PCDH7: variants seen among roughly 807,000 people sequenced by gnomAD.
PCDH7 encodes protocadherin 7.
A neutral mutation model predicts 58.9 loss-of-function variants in PCDH7; 17 were observed. The observed-to-expected ratio is 0.29, with a 90% CI of 0.20 to 0.43. The LOEUF is 0.43. PCDH7 is among the 20% of genes least tolerant of loss of function. The pLI, the probability that PCDH7 is intolerant of heterozygous loss-of-function variation, is 1.00. For missense variants in PCDH7, 1,274 were observed against 1,441.0 expected (o/e 0.88, Z 1.88); for synonymous variants, 664 against 616.4 (o/e 1.08, Z -1.14).
At chr4:30,866,453 T>C (rs1696743255) in intron 1 of PCDH7, among the ~76,000 whole-genome samples, 1 of 152,076 alleles carries the variant, frequency 6.6e-6, no homozygotes, top group South Asian at 2.1e-4. Context: ...TCATGCTCTT[T>C]CCATTATACA....
At chr4:30,728,294 T>TAGAGAG (rs779678604) in intron 1 of PCDH7, among the ~76,000 whole-genome samples, 1 of 127,780 alleles carries the variant, frequency 7.8e-6, no homozygotes, top group African/African-American at 3.0e-5. Flanking sequence ...TATATATATA[T>TAGAGAG]ATAGAGAGAG....
At chr4:30,842,270 G>A (rs555969469) in intron 1 of PCDH7, among the ~76,000 whole-genome samples, 5 of 152,142 alleles carry the variant, frequency 3.3e-5, no homozygotes, top group African/African-American at 1.2e-4. Context: ...TTATTAAGGA[G>A]CACACAAATT....
chr4:31,086,973 A>T (rs1712518671), intron 3 of PCDH7, among the ~76,000 whole-genome samples: 2 of 152,194 alleles, frequency 1.3e-5, no homozygotes, highest in Admixed American at 1.3e-4. Context: ...GACATTATAG[A>T]TACATTTCCC....
At chr4:30,928,551 A>G (rs1277533192) in intron 2 of PCDH7, among the ~76,000 whole-genome samples, 1 of 152,204 alleles carries the variant, frequency 6.6e-6, no homozygotes, top group Admixed American at 6.5e-5. Flanking sequence ...TTTTATGCTC[A>G]AGAGATACAA....
chr4:30,971,450 A>G (rs1351447957), intron 3 of PCDH7, among the ~76,000 whole-genome samples: 3 of 152,192 alleles, frequency 2.0e-5, no homozygotes, highest in African/African-American at 4.8e-5. Context: ...ATGCTGGCTC[A>G]ATAATTCTGG....
intron 1 of PCDH7, among the ~76,000 whole-genome samples, chr4:30,861,731 C>A (rs769314388): frequency 5.3e-5 from 8 of 152,026 alleles, no homozygotes; most frequent in Non-Finnish European, 1.2e-4. Context: ...AATGCTTTTA[C>A]CTTCATATAC....
intron 3 of PCDH7, among the ~76,000 whole-genome samples, chr4:31,141,289 G>T (rs772836494): frequency 1.3e-5 from 2 of 152,206 alleles, no homozygotes; most frequent in African/African-American, 2.4e-5. Context: ...TATATTTTCA[G>T]AGGTCAAATT....
chr4:30,943,451 T>C (rs1746296922), intron 2 of PCDH7, among the ~76,000 whole-genome samples: 1 of 152,200 alleles, frequency 6.6e-6, no homozygotes, highest in Admixed American at 6.5e-5. Flanking sequence ...TTGCTTAAAG[T>C]CATGCAGCCA....
intron 1 of PCDH7, among the ~76,000 whole-genome samples, chr4:30,751,971 G>T (rs1718580494): frequency 6.6e-6 from 1 of 152,186 alleles, no homozygotes; most frequent in African/African-American, 2.4e-5. Context: ...TGCCATGATG[G>T]TTTTTAGGGT....
At chr4:30,883,077 G>A (rs1737207668) in intron 1 of PCDH7, among the ~76,000 whole-genome samples, 1 of 152,152 alleles carries the variant, frequency 6.6e-6, no homozygotes, top group East Asian at 1.9e-4. Flanking sequence ...GTGTGCACAT[G>A]TGCACACATG....
intron 1 of PCDH7, among the ~76,000 whole-genome samples, chr4:30,880,795 A>G (rs1736864099): frequency 1.3e-5 from 2 of 152,198 alleles, no homozygotes; most frequent in Admixed American, 1.3e-4. Context: ...GAAGTGAATT[A>G]TGGTAAACCA....
chr4:30,920,329 G>A (rs758303214), exon 2 of PCDH7: 8 of 1,367,484 alleles, frequency 5.9e-6, no homozygotes, highest in South Asian at 2.3e-5. Flanking sequence ...AAAGGACCAC[G>A]CCGGATGGCA....
At chr4:30,982,854 T>A (rs946168900) in intron 3 of PCDH7, among the ~76,000 whole-genome samples, 3 of 152,340 alleles carry the variant, frequency 2.0e-5, no homozygotes, top group African/African-American at 7.2e-5. Flanking sequence ...GAGAGAGTAC[T>A]GCAGAGTTGG....
intron 1 of PCDH7, among the ~76,000 whole-genome samples, chr4:30,757,447 G>A (rs187450890): frequency 3.8e-4 from 58 of 152,292 alleles, no homozygotes; most frequent in Non-Finnish European, 8.2e-4. Context: ...TTTCCTCGCA[G>A]GCACTCTGCC....
intron 1 of PCDH7, among the ~76,000 whole-genome samples, chr4:30,788,462 C>T (rs1018528146): frequency 6.6e-6 from 1 of 151,834 alleles, no homozygotes; most frequent in East Asian, 1.9e-4. Context: ...GGATTTTTGT[C>T]CTTATTTATG....
intron 1 of PCDH7, among the ~76,000 whole-genome samples, chr4:30,901,987 C>G (rs1740274513): frequency 6.6e-6 from 1 of 152,158 alleles, no homozygotes; most frequent in Non-Finnish European, 1.5e-5. Flanking sequence ...CAGTTAGCAA[C>G]TATGCTATGT....
intron 1 of PCDH7, among the ~76,000 whole-genome samples, chr4:30,869,911 G>A (rs368064573): frequency 4.6e-5 from 7 of 152,136 alleles, no homozygotes; most frequent in East Asian, 3.9e-4. Flanking sequence ...CGGTATAAAA[G>A]CGTTCCTATT....
At chr4:30,936,490 T>G (rs1269802482) in intron 2 of PCDH7, among the ~76,000 whole-genome samples, 3 of 152,134 alleles carry the variant, frequency 2.0e-5, no homozygotes, top group African/African-American at 7.2e-5. Context: ...TGATATTTAA[T>G]AGAAGCACTG....
At chr4:30,965,638 C>T (rs914757694) in intron 3 of PCDH7, among the ~76,000 whole-genome samples, 1 of 151,932 alleles carries the variant, frequency 6.6e-6, no homozygotes, top group Non-Finnish European at 1.5e-5. Flanking sequence ...GTTGAATCTT[C>T]CAGTGCAAAT....
Sources: gnomAD v4.1 joint callset for allele counts (sites outside exome capture counted in the v4.1 genomes callset) on GRCh38, gnomAD v4.1.1 for gene constraint, MANE v1.5 for transcripts, NCBI Gene and HGNC (gene_info 2026-07-23, HGNC 2026-07-21) for gene names.